Variants in TDP2 observed in about 807,000 individuals in gnomAD.
TDP2 encodes the protein tyrosyl-DNA phosphodiesterase 2.
Under a neutral mutation model 42.8 loss-of-function variants are expected in TDP2, and 38 were observed. The observed-to-expected ratio is 0.89, with a 90% CI of 0.68 to 1.16. The LOEUF is 1.16. Ranked by LOEUF, TDP2 falls within the 50% of genes most tolerant of loss-of-function variation. The pLI is 0.00. For missense variants in TDP2, 439 were observed against 439.3 expected (o/e 1.00, Z 0.01); for synonymous variants, 173 against 150.6 (o/e 1.15, Z -1.09).
intron 2 of TDP2, chr6:24,659,104 T>C (rs542681832): frequency 2.6e-4 from 43 of 166,632 alleles, no homozygotes; most frequent in African/African-American, 7.4e-4. Context: ...ACCAACCAGT[T>C]TGAAGACACC....
intron 6 of TDP2, among the ~76,000 whole-genome samples, chr6:24,651,475 C>T (rs1777973405): frequency 1.3e-5 from 2 of 152,140 alleles, no homozygotes; most frequent in African/African-American, 2.4e-5. Context: ...ATTTCAACTG[C>T]CTTCAGTTTT....
chr6:24,665,733 G>T (rs563219210), intron 2 of TDP2, among the ~76,000 whole-genome samples: 4 of 152,160 alleles, frequency 2.6e-5, no homozygotes, highest in South Asian at 4.1e-4. Context: ...CTAAGGTATT[G>T]TAACAGGGGT....
In TDP2 at chr6:24,656,733, T is replaced by C. The variant is rs1582421830; in HGVS notation, c.517+1079A>G. ...TCAGAATTCTGAAGGAAAACATCTA[T>C]TTACCCAGATACCTATCTTCAGCCA... is the stretch of plus-strand genomic sequence containing the variant. On this transcript the variant is annotated intron_variant, in intron 4 of 6. Transcript: ENST00000378198. Among the ~76,000 whole-genome samples, 3 of 152,216 alleles carry C rather than the reference T, an allele frequency of 2.0e-5. No homozygotes were observed. The East Asian group carries it at 5.8e-4, about 29-fold the overall frequency.
chr6:24,662,240 G>C (rs1019160257), intron 2 of TDP2, among the ~76,000 whole-genome samples: 4 of 152,014 alleles, frequency 2.6e-5, no homozygotes, highest in African/African-American at 7.3e-5. Flanking sequence ...CACCCAAAAA[G>C]GGTCTGTGTT....
intron 2 of TDP2, among the ~76,000 whole-genome samples, chr6:24,665,059 A>G (rs1211903203): frequency 1.3e-5 from 2 of 152,320 alleles, no homozygotes; most frequent in African/African-American, 2.4e-5. Context: ...AGAATTTATA[A>G]GGAAACAAAC....
intron 2 of TDP2, chr6:24,665,977 G>A (rs1020254303): frequency 8.4e-7 from 1 of 1,183,544 alleles, no homozygotes; most frequent in Admixed American, 3.5e-5. Context: ...CCTGGAACCT[G>A]GAAAGGCAGG....
At chr6:24,652,806 C>T in intron 6 of TDP2, 177 bp downstream of exon 6, 3 of 626,804 alleles carry the variant, frequency 4.8e-6, no homozygotes, top group Non-Finnish European at 8.3e-6. Flanking sequence ...CAAAAAGAGC[C>T]CCTTCTTCCC....
intron 5 of TDP2, 142 bp from the exon 6 acceptor site, chr6:24,653,295 G>A (rs772613770): frequency 6.7e-5 from 59 of 877,560 alleles, no homozygotes; most frequent in South Asian, 9.8e-5. Flanking sequence ...CTATCCCTCC[G>A]GATCAAAAGA....
chr6:24,654,272 AGT>A (rs1778022972), intron 5 of TDP2, 138 bp downstream of exon 5: 1 of 433,768 alleles, frequency 2.3e-6, no homozygotes, highest in African/African-American at 2.1e-5. Flanking sequence ...AATTTTAGAG[AGT>A]GTTAAAGACT....
intron 2 of TDP2, among the ~76,000 whole-genome samples, chr6:24,662,827 T>C (rs1013543676): frequency 6.6e-6 from 1 of 152,234 alleles, no homozygotes; most frequent in Non-Finnish European, 1.5e-5. Context: ...AGTGATTCCA[T>C]GCCTGATCAA....
intron 6 of TDP2, among the ~76,000 whole-genome samples, chr6:24,651,674 C>T (rs1212265660): frequency 6.6e-6 from 1 of 150,620 alleles, no homozygotes; most frequent in Non-Finnish European, 1.5e-5. Context: ...GCAACTTCCA[C>T]CTCCCAGGTT....
chr6:24,656,768 G>A (rs578077205), intron 4 of TDP2, among the ~76,000 whole-genome samples: 1 of 152,208 alleles, frequency 6.6e-6, no homozygotes, highest in African/African-American at 2.4e-5. Flanking sequence ...AAACTATCAA[G>A]AACTACAAAG....
chr6:24,666,863 C>A lies in TDP2; in HGVS notation c.-1G>T, dbSNP rs749279037. 14 of 1,613,514 alleles carry A rather than the reference C, an allele frequency of 8.7e-6. No individual in the cohort carries two copies. The highest frequency in any genetic ancestry group is 1.2e-5 in the Non-Finnish European group (14 of 1,180,018). ...CCTCCAGGCAACTCCCCAACTCCAT[C>A]TTCCTGCCGCCTCTGCACCGCCCCT... On this transcript the variant is annotated 5_prime_UTR_variant, in exon 1 of 7. Transcript: ENST00000378198.
Position 24,654,416 on chromosome 6 carries a change from A to G in TDP2, c.632T>C (p.Val211Ala), listed in dbSNP as rs1449771774. 2 of 1,430,446 alleles carry G rather than the reference A, an allele frequency of 1.4e-6. No homozygotes were observed. Among genetic ancestry groups the G allele is most frequent in the Non-Finnish European group, 1.9e-6 (2 of 1,037,818 alleles). The allele number at this position is 1,430,446 out of a possible 1,614,324, so 88.6% of individuals were successfully genotyped here. ...STKMMRNLLC[V>A]HVNVSGNELC... Reference sequence around the variant, plus strand: ...CAATTTTTAAAAATTACTCACATGCACACATAAAAGGTTTCTCATCATTTT... The same window carrying G: ...CAATTTTTAAAAATTACTCACATGCGCACATAAAAGGTTTCTCATCATTTT... The change falls in exon 5 of 7, where the codon GTG (valine) becomes GCG (alanine). Residue 211 changes from valine to alanine, a missense_variant. Physicochemically the swap from Val to Ala is moderately conservative, Grantham distance 64. Coordinates refer to ENST00000378198, the MANE Select transcript of TDP2 (RefSeq NM_016614.3).
intron 2 of TDP2, 175 bp from the exon 3 acceptor site, chr6:24,658,909 A>T: frequency 1.6e-6 from 1 of 639,072 alleles, no homozygotes; most frequent in Non-Finnish European, 2.6e-6. Flanking sequence ...AATATAATTG[A>T]GCATTAATCA....
intron 2 of TDP2, among the ~76,000 whole-genome samples, chr6:24,662,780 T>G (rs1241752288): frequency 6.6e-6 from 1 of 152,242 alleles, no homozygotes; most frequent in Non-Finnish European, 1.5e-5. Flanking sequence ...GTGGAGGGGC[T>G]GGCCCCCTTC....
chr6:24,652,574 G>C (rs2127616901), intron 6 of TDP2, among the ~76,000 whole-genome samples: 1 of 152,162 alleles, frequency 6.6e-6, no homozygotes, highest in South Asian at 2.1e-4. Context: ...AAAGAAAAAA[G>C]AAAAGGAAAC....
At chr6:24,666,319 G>A in intron 2 of TDP2, 1 of 1,522,334 alleles carries the variant, frequency 6.6e-7, no homozygotes, top group Non-Finnish European at 8.8e-7. Context: ...CACGTTCGAA[G>A]CGACAGTCTG....
At chr6:24,661,721 TA>T (rs17243234) in intron 2 of TDP2, among the ~76,000 whole-genome samples, 19,403 of 151,228 alleles carry the variant, frequency 0.13, 2,270 homozygotes, top group East Asian at 0.45. Flanking sequence ...TTCAAGAGCA[TA>T]AAAAAAAAGT....
Sources: allele counts gnomAD v4.1 joint callset (sites outside exome capture counted in the v4.1 genomes callset), GRCh38; gene constraint gnomAD v4.1.1; transcripts MANE v1.5; gene names NCBI Gene and HGNC (gene_info 2026-07-23, HGNC 2026-07-21).